The following PBX1 variants were observed in gnomAD, a reference collection of about 807,000 sequenced individuals.
PBX1 encodes the protein pre-B-cell leukemia transcription factor 1.
A neutral mutation model predicts 53.4 loss-of-function variants in PBX1; 6 were observed. The ratio of observed to expected loss-of-function variants is 0.11; its 90% CI spans 0.06 to 0.22. The LOEUF is 0.22. Among genes scored for constraint, PBX1 ranks in the 10% least tolerant of loss-of-function variants. The pLI is 1.00. For synonymous variants in PBX1, 204 were observed against 212.3 expected (o/e 0.96, Z 0.34); for missense variants, 251 against 551.4 (o/e 0.46, Z 5.46).
chr1:164,640,271 A>C (rs1659038636), intron 2 of PBX1, among the ~76,000 whole-genome samples: 1 of 152,170 alleles, frequency 6.6e-6, no homozygotes, highest in Admixed American at 6.5e-5. Flanking sequence ...TAAGGGATCC[A>C]AATGGGGGAA....
At chr1:164,582,444 C>T (rs1409240907) in intron 2 of PBX1, among the ~76,000 whole-genome samples, 3 of 146,196 alleles carry the variant, frequency 2.1e-5, no homozygotes, top group East Asian at 2.0e-4. Flanking sequence ...TTTTTTGAGA[C>T]GGAGTTTCGC....
At chr1:164,682,143 G>T (rs988314505) in intron 2 of PBX1, 1 of 152,170 alleles carries the variant, frequency 6.6e-6, no homozygotes, top group African/African-American at 2.4e-5. Context: ...TATTAAAACA[G>T]ATGTGATCTA....
rs559989447 is a variant in PBX1, at chr1:164,627,919, C to G, written c.265+64608C>G. Among the ~76,000 whole-genome samples, 5 of 152,204 alleles carry G rather than the reference C, an allele frequency of 3.3e-5. No homozygotes were observed. The South Asian group carries it at 1.0e-3, about 32-fold the overall frequency. ...ACCCAAGCTGGTTCTCTGCTATGAC[C>G]GTATATTTGAAACTAGCAACTGGAA... On this transcript the variant is annotated intron_variant, in intron 2 of 8. Coordinates refer to ENST00000420696, the MANE Select transcript of PBX1 (RefSeq NM_002585.4).
At chr1:164,832,566 G>A (rs1200297290) in intron 8 of PBX1, among the ~76,000 whole-genome samples, 1 of 152,120 alleles carries the variant, frequency 6.6e-6, no homozygotes, top group Non-Finnish European at 1.5e-5. Flanking sequence ...TGAAGTATCA[G>A]CAGAGGTGGA....
intron 2 of PBX1, among the ~76,000 whole-genome samples, chr1:164,869,669 TA>T (rs1220918093): frequency 2.0e-5 from 3 of 152,062 alleles, no homozygotes; most frequent in Non-Finnish European, 4.4e-5. Context: ...ATAAACAAGA[TA>T]AATAGATAAA....
At chr1:164,839,306 CTTATT>C (rs1240260747) in intron 8 of PBX1, among the ~76,000 whole-genome samples, 1 of 152,138 alleles carries the variant, frequency 6.6e-6, no homozygotes, top group African/African-American at 2.4e-5. Flanking sequence ...ATTTTTTTAA[CTTATT>C]TTATCAACCA....
In PBX1 at chr1:164,821,708, G is replaced by C. The variant is rs887059131; in HGVS notation, c.1200+82G>C. The C allele has an allele frequency of 3.5e-5, 36 of 1,029,922 alleles. 1 individual carries two copies. The highest frequency in any genetic ancestry group is 4.9e-5 in the Non-Finnish European group (32 of 659,596). The allele number at this position is 1,029,922 out of a possible 1,614,324, so 63.8% of individuals were successfully genotyped here. A position where few individuals can be genotyped will look rare whatever the true frequency, so the allele number is the denominator to read the frequency against. ...ATTTCAAAGCCATAGGGCCCAGAAT[G>C]CCACTTAGTAGGGCTTATCTTAGCT... On this transcript the variant is annotated intron_variant, in intron 8 of 8. Transcript: ENST00000420696.
chr1:164,606,790 CATG>C (rs1656590339), intron 2 of PBX1, among the ~76,000 whole-genome samples: 1 of 152,136 alleles, frequency 6.6e-6, no homozygotes, highest in African/African-American at 2.4e-5. Flanking sequence ...TGCATGGAAA[CATG>C]ATATTTGCAC....
intron 2 of PBX1, among the ~76,000 whole-genome samples, chr1:164,756,386 C>T (rs561543150): frequency 5.1e-4 from 77 of 152,080 alleles, no homozygotes; most frequent in Non-Finnish European, 8.7e-4. Context: ...TTGGGCATTG[C>T]GAAACGTTAA....
intron 2 of PBX1, among the ~76,000 whole-genome samples, chr1:164,765,030 T>C (rs1004445448): frequency 1.3e-5 from 2 of 152,186 alleles, no homozygotes; most frequent in African/African-American, 4.8e-5. Flanking sequence ...CATATAGTTA[T>C]AGGTTAAAAT....
downstream of PBX1, among the ~76,000 whole-genome samples, chr1:164,852,619 G>A (rs1671883000): frequency 6.6e-6 from 1 of 152,210 alleles, no homozygotes; most frequent in South Asian, 2.1e-4. Context: ...GCTCTCCTAT[G>A]AGGCTCTGTC....
At chr1:164,718,279 AGGT>A (rs2102096716) in intron 2 of PBX1, among the ~76,000 whole-genome samples, 1 of 152,326 alleles carries the variant, frequency 6.6e-6, no homozygotes, top group South Asian at 2.1e-4. Flanking sequence ...TGGAGAATCT[AGGT>A]GTTTTGGGCA....
At chr1:164,654,613 G>C (rs1660038050) in intron 2 of PBX1, among the ~76,000 whole-genome samples, 1 of 152,212 alleles carries the variant, frequency 6.6e-6, no homozygotes, top group African/African-American at 2.4e-5. Flanking sequence ...ACTTTCTAAA[G>C]AGTCAAAATG....
At chr1:164,808,831 C>G (rs1277056186) in intron 5 of PBX1, among the ~76,000 whole-genome samples, 1 of 152,184 alleles carries the variant, frequency 6.6e-6, no homozygotes, top group Non-Finnish European at 1.5e-5. Flanking sequence ...TGAAAACATT[C>G]TTTCAGATAA....
chr1:164,754,482 T>C (rs1666399365), intron 2 of PBX1, among the ~76,000 whole-genome samples: 1 of 152,208 alleles, frequency 6.6e-6, no homozygotes, highest in African/African-American at 2.4e-5. Context: ...ATTTAACTGC[T>C]TAGCGGGAGA....
intron 2 of PBX1, among the ~76,000 whole-genome samples, chr1:164,861,791 TA>T (rs1187652877): frequency 5.3e-5 from 8 of 152,150 alleles, no homozygotes; most frequent in African/African-American, 1.9e-4. Context: ...ACCATTAGGT[TA>T]TCTGAGAAGA....
At chr1:164,561,082 A>T (rs966297046) in intron 1 of PBX1, among the ~76,000 whole-genome samples, 2 of 152,336 alleles carry the variant, frequency 1.3e-5, no homozygotes, top group South Asian at 4.1e-4. Flanking sequence ...ACTCAAAAGG[A>T]AGAATTTTAA....
intron 2 of PBX1, among the ~76,000 whole-genome samples, chr1:164,729,209 A>G (rs1664853626): frequency 6.6e-6 from 1 of 152,242 alleles, no homozygotes; most frequent in Admixed American, 6.5e-5. Context: ...AGTGAGTAGG[A>G]AATTAATCTT....
At chr1:164,679,494 A>T (rs919984346) in intron 2 of PBX1, among the ~76,000 whole-genome samples, 27 of 152,130 alleles carry the variant, frequency 1.8e-4, no homozygotes, top group Admixed American at 1.7e-3. Flanking sequence ...AGTGTATGCA[A>T]TCCTGTGGGC....
Sources: allele counts gnomAD v4.1 joint callset (sites outside exome capture counted in the v4.1 genomes callset), GRCh38; gene constraint gnomAD v4.1.1; transcripts MANE v1.5; gene names NCBI Gene and HGNC (gene_info 2026-07-23, HGNC 2026-07-21).